The following GNG7 variants were observed in gnomAD, a reference collection of about 807,000 sequenced individuals.
GNG7 encodes the protein guanine nucleotide-binding protein G(I)/G(S)/G(O) subunit gamma-7.
A neutral mutation model predicts 4.0 loss-of-function variants in GNG7; 1 was observed. That is an observed-to-expected ratio of 0.25 (90% CI 0.09 to 1.18). The LOEUF is 1.18. Ranked by LOEUF, GNG7 falls within the 50% of genes most tolerant of loss-of-function variation. GNG7 has a pLI of 0.50. For missense variants in GNG7, 86 were observed against 91.9 expected (o/e 0.94, Z 0.26); for synonymous variants, 34 against 36.9 (o/e 0.92, Z 0.29).
chr19:2,670,868 C>T (rs569804832), intron 1 of GNG7, among the ~76,000 whole-genome samples: 4 of 152,218 alleles, frequency 2.6e-5, no homozygotes, highest in Admixed American at 1.3e-4. Flanking sequence ...AGGACCACCC[C>T]TCCCACAAAG....
chr19:2,568,326 T>C (rs903241331), intron 2 of GNG7, among the ~76,000 whole-genome samples: 9 of 140,560 alleles, frequency 6.4e-5, no homozygotes, highest in African/African-American at 2.2e-4. Context: ...CACACACACA[T>C]ATACACACAT....
rs549246483 is a variant in GNG7, at chr19:2,514,452, T to C, written c.*570A>G. The C allele has an allele frequency of 6.5e-6, 1 of 153,648 alleles. No individual in the cohort carries two copies. Among genetic ancestry groups the C allele is most frequent in the African/African-American group, 2.4e-5 (1 of 41,530 alleles). The allele number at this position is 153,648 out of a possible 1,614,324, so 9.5% of individuals were successfully genotyped here. On this transcript the variant is annotated 3_prime_UTR_variant, in exon 5 of 5. Transcript: ENST00000382159. ...GGGTTCAACCATCACAATCCGAGTT[T>C]AGCCGTATGGAGTAACAATTTTTTA...
At chr19:2,585,982 G>C (rs1980661124) in intron 2 of GNG7, among the ~76,000 whole-genome samples, 1 of 152,208 alleles carries the variant, frequency 6.6e-6, no homozygotes, top group South Asian at 2.1e-4. Context: ...TTACAGGCGT[G>C]AACCGCCGTG....
At chr19:2,537,627 G>A (rs1006411199) in intron 3 of GNG7, among the ~76,000 whole-genome samples, 1 of 152,100 alleles carries the variant, frequency 6.6e-6, no homozygotes, top group African/African-American at 2.4e-5. Flanking sequence ...CAAAGTGTAC[G>A]GTTCTGATGG....
chr19:2,553,680 T>C (rs1041539836), intron 3 of GNG7, among the ~76,000 whole-genome samples: 4 of 145,430 alleles, frequency 2.8e-5, no homozygotes, highest in South Asian at 4.2e-4. Context: ...ATGTAATATG[T>C]TATATTACAC....
intron 1 of GNG7, among the ~76,000 whole-genome samples, chr19:2,663,725 T>C (rs1983235938): frequency 6.6e-6 from 1 of 152,184 alleles, no homozygotes; most frequent in African/African-American, 2.4e-5. Context: ...AAGAAAATGA[T>C]TCATTTTGGC....
At chr19:2,610,953 T>TGGGGACGAGGGGACGA (rs1453261838) in intron 2 of GNG7, 2 of 17,894 alleles carry the variant, frequency 1.1e-4, no homozygotes, top group African/African-American at 4.0e-4. Context: ...TATCAGGCGG[T>TGGGGACGAGGGGACGA]GGGGACGAGG....
intron 2 of GNG7, among the ~76,000 whole-genome samples, chr19:2,606,266 G>C (rs944594909): frequency 4.0e-5 from 6 of 151,668 alleles, no homozygotes; most frequent in African/African-American, 1.2e-4. Flanking sequence ...GTAGTCCTTG[G>C]GGGGCTGAGG....
chr19:2,540,084 C>T (rs1252169301), intron 3 of GNG7, among the ~76,000 whole-genome samples: 1 of 132,092 alleles, frequency 7.6e-6, no homozygotes, highest in East Asian at 2.6e-4. Context: ...CTCTCTCTCT[C>T]TCTCTGTTTC....
chr19:2,628,221 C>T (rs553482174), intron 2 of GNG7, among the ~76,000 whole-genome samples: 2 of 152,328 alleles, frequency 1.3e-5, no homozygotes, highest in South Asian at 4.1e-4. Context: ...GGGTCCCCCG[C>T]TCAGAGTCTT....
At chr19:2,668,633 G>C (rs961646829) in intron 1 of GNG7, among the ~76,000 whole-genome samples, 1 of 152,174 alleles carries the variant, frequency 6.6e-6, no homozygotes, top group African/African-American at 2.4e-5. Context: ...TGCCTGCTAA[G>C]GGTGCAGCCG....
intron 4 of GNG7, chr19:2,516,977 G>A (rs189345696): frequency 2.0e-5 from 3 of 152,364 alleles, no homozygotes; most frequent in Admixed American, 2.0e-4. Context: ...CCGGTGTCCT[G>A]GGTCAGGCTA....
intron 3 of GNG7, among the ~76,000 whole-genome samples, chr19:2,547,218 G>A (rs912506974): frequency 9.9e-5 from 15 of 152,130 alleles, no homozygotes; most frequent in African/African-American, 3.1e-4. Flanking sequence ...CTGGACGTTC[G>A]TTGTGTCCTG....
intron 2 of GNG7, among the ~76,000 whole-genome samples, chr19:2,584,287 TAA>T (rs71337152): frequency 2.1e-4 from 23 of 107,466 alleles, no homozygotes; most frequent in East Asian, 1.5e-3. Flanking sequence ...CGCAAAGAAT[TAA>T]AAAAAAAAAA....
chr19:2,630,466 T>G (rs1045832237), intron 2 of GNG7, among the ~76,000 whole-genome samples: 1 of 152,096 alleles, frequency 6.6e-6, no homozygotes, highest in African/African-American at 2.4e-5. Context: ...CAGGTGACCC[T>G]TTAAAAGGGA....
chr19:2,522,883 T>A (rs547640462), intron 3 of GNG7, among the ~76,000 whole-genome samples: 1 of 150,496 alleles, frequency 6.6e-6, no homozygotes, highest in Non-Finnish European at 1.5e-5. Flanking sequence ...GGACTTTTTT[T>A]AGACAGAGTC....
At chr19:2,661,670 T>TA (rs57483197) in intron 1 of GNG7, among the ~76,000 whole-genome samples, 2,006 of 108,570 alleles carry the variant, frequency 0.018, 43 homozygotes, top group African/African-American at 0.051. Context: ...GAGACTCCAT[T>TA]AAAAAAAAAA....
chr19:2,667,640 C>T (rs552279228), intron 1 of GNG7, among the ~76,000 whole-genome samples: 57 of 152,018 alleles, frequency 3.7e-4, no homozygotes, highest in Non-Finnish European at 5.7e-4. Flanking sequence ...GTAGGCCGAG[C>T]GCAATGGCTC....
intron 3 of GNG7, among the ~76,000 whole-genome samples, chr19:2,551,747 G>T (rs889681301): frequency 6.7e-6 from 1 of 149,990 alleles, no homozygotes; most frequent in Non-Finnish European, 1.5e-5. Context: ...GCAACGGCAC[G>T]ATCTCAGCTC....
Sources: gnomAD v4.1 joint callset for allele counts (sites outside exome capture counted in the v4.1 genomes callset) on GRCh38, gnomAD v4.1.1 for gene constraint, MANE v1.5 for transcripts, NCBI Gene and HGNC (gene_info 2026-07-23, HGNC 2026-07-21) for gene names.